Variants in RBM33 observed in about 807,000 individuals in gnomAD.
RBM33 encodes RNA-binding protein 33.
RBM33 carries 28 observed loss-of-function variants against 132.6 expected under a neutral mutation model. The ratio of observed to expected loss-of-function variants is 0.21; its 90% CI spans 0.16 to 0.29. RBM33 has a LOEUF of 0.29. Ranked by LOEUF, RBM33 falls within the 10% of genes least tolerant of loss-of-function variation. The probability of loss-of-function intolerance (pLI) is 1.00; values close to 1 mark genes in which losing one functional copy is unlikely to be tolerated. For missense variants in RBM33, 1,291 were observed against 1,518.5 expected, an observed-to-expected ratio of 0.85 and a Z score of 2.49; for synonymous variants, 634 against 593.0, an observed-to-expected ratio of 1.07 and a Z score of -1.01.
intron 3 of RBM33, among the ~76,000 whole-genome samples, chr7:155,673,940 G>GTTGTTTTTTGTTTTTGTTTT: frequency 5.5e-5 from 3 of 54,214 alleles, no homozygotes; most frequent in Non-Finnish European, 9.7e-5. Flanking sequence ...TTTAGGCTTA[G>GTTGTTTTTTGTTTTTGTTTT]TTTTTTTTTT....
chr7:155,764,083 C>T lies in RBM33; in HGVS notation c.3186+65C>T, dbSNP rs1188764814. On this transcript the variant is annotated intron_variant, in intron 15 of 17. Transcript: ENST00000401878. ...AGGCCGGTGTGAGGCAGTGTTCAGACGTGCTCTAATTTGTAGCGCATGGCA... is the reference window on the plus strand; with the variant it reads ...AGGCCGGTGTGAGGCAGTGTTCAGATGTGCTCTAATTTGTAGCGCATGGCA... 6.9e-6 allele frequency: 9 copies of T among 1,298,744 alleles called. No individual in the cohort carries two copies. The East Asian group carries it at 1.0e-4, about 15-fold the overall frequency. 80.5% of individuals were successfully genotyped at this position (1,298,744 alleles called of 1,614,324 possible).
At chr7:155,732,791 C>G (rs908181534) in intron 9 of RBM33, among the ~76,000 whole-genome samples, 2 of 152,152 alleles carry the variant, frequency 1.3e-5, no homozygotes, top group Non-Finnish European at 2.9e-5. Context: ...GGTGGAATCA[C>G]TAGAAGGTGC....
intron 8 of RBM33, 31 bp from the exon 9 acceptor site, chr7:155,718,354 G>T (rs573437054): frequency 1.1e-4 from 183 of 1,598,150 alleles, no homozygotes; most frequent in Non-Finnish European, 1.6e-4. Context: ...TGAGTAAAGT[G>T]TGTCTCTAAC....
chr7:155,648,294 A>G (rs920963969), intron 1 of RBM33, among the ~76,000 whole-genome samples: 4 of 152,236 alleles, frequency 2.6e-5, no homozygotes, highest in Admixed American at 2.6e-4. Flanking sequence ...TTAAGACTTT[A>G]GATACTAAAC....
intron 14 of RBM33, among the ~76,000 whole-genome samples, chr7:155,763,028 G>A (rs1052493875): frequency 5.3e-5 from 8 of 152,204 alleles, no homozygotes; most frequent in Admixed American, 2.0e-4. Context: ...CTGCCTGGAC[G>A]TATGAACAAC....
At chr7:155,669,565 C>T (rs1798890971) in intron 2 of RBM33, among the ~76,000 whole-genome samples, 1 of 152,136 alleles carries the variant, frequency 6.6e-6, no homozygotes, top group Non-Finnish European at 1.5e-5. Flanking sequence ...GTTGGCCAGG[C>T]TGGTCTTGAA....
intron 14 of RBM33, among the ~76,000 whole-genome samples, chr7:155,760,597 C>T (rs1301115529): frequency 2.6e-5 from 4 of 152,164 alleles, no homozygotes; most frequent in African/African-American, 7.2e-5. Flanking sequence ...TACTGTCAGG[C>T]AACAACATTG....
At chr7:155,728,994 G>T (rs1159111546) in intron 9 of RBM33, among the ~76,000 whole-genome samples, 1 of 152,190 alleles carries the variant, frequency 6.6e-6, no homozygotes, top group Non-Finnish European at 1.5e-5. Context: ...CTGCTATAAA[G>T]AATACCCAAG....
intron 1 of RBM33, among the ~76,000 whole-genome samples, chr7:155,645,788 A>G (rs1798169696): frequency 6.6e-6 from 1 of 152,232 alleles, no homozygotes; most frequent in African/African-American, 2.4e-5. Flanking sequence ...TACCATTGAA[A>G]CGTTGAAAAG....
At chr7:155,679,887 T>C (rs1799290270) in intron 4 of RBM33, among the ~76,000 whole-genome samples, 1 of 152,240 alleles carries the variant, frequency 6.6e-6, no homozygotes, top group Admixed American at 6.5e-5. Context: ...AAATGTTATC[T>C]TGCACCTTAT....
At chr7:155,698,771 T>C (rs1360252396) in intron 5 of RBM33, among the ~76,000 whole-genome samples, 4 of 152,264 alleles carry the variant, frequency 2.6e-5, no homozygotes, top group Non-Finnish European at 4.4e-5. Context: ...ATCATTGCAG[T>C]GTATAACCCT....
Position 155,699,505 on chromosome 7 carries a change from C to G in RBM33, c.568-1268C>G, listed in dbSNP as rs115655672. ...TGCAGGCATCCATTCTGATTTCAAA[C>G]ACTCAGTAGTACAGAAATAACGGTA... On this transcript the variant is annotated intron_variant, in intron 5 of 17. Coordinates refer to ENST00000401878, the MANE Select transcript of RBM33 (RefSeq NM_053043.3). Among the ~76,000 whole-genome samples the G allele has an allele frequency of 3.8e-3, 586 of 152,280 alleles. 5 individuals are homozygous for G. The highest frequency in any genetic ancestry group is 0.014 in the African/African-American group (565 of 41,556).
At chr7:155,773,915 ATTCAT>A (rs1183241665) in intron 16 of RBM33, among the ~76,000 whole-genome samples, 2 of 152,188 alleles carry the variant, frequency 1.3e-5, no homozygotes, top group African/African-American at 4.8e-5. Flanking sequence ...ATCTTCATAA[ATTCAT>A]TTCTTTTTCA....
At chr7:155,765,991 G>C (rs115197248) in intron 15 of RBM33, among the ~76,000 whole-genome samples, 1,684 of 152,302 alleles carry the variant, frequency 0.011, 30 homozygotes, top group African/African-American at 0.039. Context: ...AGCGGAGTCA[G>C]GTACATGATG....
intron 1 of RBM33, among the ~76,000 whole-genome samples, chr7:155,654,221 T>G (rs1798431919): frequency 6.6e-6 from 1 of 152,242 alleles, no homozygotes; most frequent in Admixed American, 6.5e-5. Flanking sequence ...CCTTGTTCTA[T>G]TCAGTTAGTC....
At position 155,745,904 on chromosome 7, in the gene RBM33, CA is replaced by C. The variant is rs1294327975; in HGVS notation, c.2979+304del. Among the ~76,000 whole-genome samples, 4 of 152,210 alleles carry C rather than the reference CA, an allele frequency of 2.6e-5. No homozygotes were observed. The highest frequency in any genetic ancestry group is 5.9e-5 in the Non-Finnish European group (4 of 68,028). Reference sequence around the variant, plus strand: ...GGTACAGCCTGTTGCTCCCTGGCCACAAGCCTGTGCAGCATGTTACTGTGCT... The same window carrying C: ...GGTACAGCCTGTTGCTCCCTGGCCACAGCCTGTGCAGCATGTTACTGTGCT... On this transcript the variant is annotated intron_variant, in intron 14 of 17. Coordinates refer to ENST00000401878, the MANE Select transcript of RBM33 (RefSeq NM_053043.3). This position sits in a 1 kb window ranked among gnomAD's most constrained non-coding sequence, Gnocchi z 4.1.
At position 155,704,458 on chromosome 7, in the gene RBM33, A is replaced by G. The variant is rs534136499; in HGVS notation, c.740-2402A>G. Among the ~76,000 whole-genome samples the G allele has an allele frequency of 8.5e-5, 13 of 152,294 alleles. No individual in the cohort carries two copies. In the South Asian group the frequency reaches 2.5e-3, roughly 29 times the overall value. On this transcript the variant is annotated intron_variant, in intron 6 of 17. Coordinates refer to ENST00000401878, the MANE Select transcript of RBM33 (RefSeq NM_053043.3). ...TCCTGGAGCTCAGTTGAGCCGGGCT[A>G]CAGAGTAGGCATGTGTAAGGAATGG...
chr7:155,752,038 A>T (rs1801701969), intron 14 of RBM33, among the ~76,000 whole-genome samples: 1 of 152,176 alleles, frequency 6.6e-6, no homozygotes. Flanking sequence ...GTCATTATTT[A>T]TGTTGATTTT....
At chr7:155,646,427 C>T (rs1052277742) in intron 1 of RBM33, among the ~76,000 whole-genome samples, 3 of 152,074 alleles carry the variant, frequency 2.0e-5, no homozygotes, top group African/African-American at 7.2e-5. Context: ...GGAGTTTTTC[C>T]TTCCATTTTG....
Sources: allele counts gnomAD v4.1 joint callset (sites outside exome capture counted in the v4.1 genomes callset), GRCh38; gene constraint gnomAD v4.1.1; non-coding constraint Gnocchi (gnomAD v3.1); transcripts MANE v1.5; gene names NCBI Gene and HGNC (gene_info 2026-07-23, HGNC 2026-07-21).